SLC39A12: variants seen among roughly 807,000 people sequenced by gnomAD.
SLC39A12 encodes the protein solute carrier family 39 member 12.
In SLC39A12, 63 loss-of-function variants were observed where a neutral mutation model predicts 71.1. The observed-to-expected ratio is 0.89, with a 90% CI of 0.72 to 1.09. The LOEUF is 1.09. Ranked by LOEUF, SLC39A12 falls within the 50% of genes least tolerant of loss-of-function variation. SLC39A12 has a pLI of 0.00. For synonymous variants in SLC39A12, 351 were observed against 301.3 expected (o/e 1.16, Z -1.71); for missense variants, 892 against 812.6 (o/e 1.10, Z -1.19).
chr10:18,025,496 T>C (rs1195469900), intron 12 of SLC39A12, among the ~76,000 whole-genome samples: 1 of 152,192 alleles, frequency 6.6e-6, no homozygotes, highest in Non-Finnish European at 1.5e-5. Flanking sequence ...TGGTTTTTTG[T>C]CCTTGCGATA....
At chr10:18,024,357 A>T (rs532913433) in intron 12 of SLC39A12, among the ~76,000 whole-genome samples, 3 of 151,994 alleles carry the variant, frequency 2.0e-5, no homozygotes, top group African/African-American at 7.2e-5. Flanking sequence ...AGTCTGGAGG[A>T]ACTGAGGGGA....
intron 12 of SLC39A12, among the ~76,000 whole-genome samples, chr10:18,031,043 G>A (rs369277704): frequency 1.3e-5 from 2 of 150,426 alleles, no homozygotes; most frequent in Non-Finnish European, 3.0e-5. Context: ...AATCCAGTCT[G>A]TCATTGTTGG....
At chr10:17,986,756 C>T (rs529840547) in intron 6 of SLC39A12, among the ~76,000 whole-genome samples, 1 of 152,294 alleles carries the variant, frequency 6.6e-6, no homozygotes, top group East Asian at 1.9e-4. Context: ...CCTGTAATCC[C>T]ATCACTTTGG....
At chr10:17,978,753 T>A (rs1835180220) in intron 5 of SLC39A12, among the ~76,000 whole-genome samples, 1 of 152,242 alleles carries the variant, frequency 6.6e-6, no homozygotes, top group African/African-American at 2.4e-5. Context: ...CTCCAATAAT[T>A]CTTCTCTGTT....
At chr10:17,979,980 G>A (rs1358751877) in intron 5 of SLC39A12, among the ~76,000 whole-genome samples, 1 of 152,102 alleles carries the variant, frequency 6.6e-6, no homozygotes, top group Non-Finnish European at 1.5e-5. Context: ...GTAGATATAT[G>A]CAGAGGGAAA....
chr10:17,962,441 T>C (rs1834715435), intron 3 of SLC39A12, among the ~76,000 whole-genome samples: 1 of 152,170 alleles, frequency 6.6e-6, no homozygotes, highest in South Asian at 2.1e-4. Flanking sequence ...GTTGCCTTCA[T>C]TACTATTCTA....
chr10:17,962,889 C>A (rs1554848573), intron 3 of SLC39A12, among the ~76,000 whole-genome samples: 1 of 152,174 alleles, frequency 6.6e-6, no homozygotes, highest in Non-Finnish European at 1.5e-5. Flanking sequence ...AGTGCAGTGG[C>A]TCATACCTAT....
intron 6 of SLC39A12, among the ~76,000 whole-genome samples, chr10:17,983,634 T>A (rs569258716): frequency 2.0e-5 from 3 of 152,074 alleles, no homozygotes; most frequent in African/African-American, 4.8e-5. Flanking sequence ...ATACAAAAAT[T>A]AGCTGAGTAT....
rs12266431 is a variant in SLC39A12 at position 17,971,129 on chromosome 10, C to G, written c.751+5439C>G. Among the ~76,000 whole-genome samples, 910 of 152,106 alleles carry G rather than the reference C, an allele frequency of 6.0e-3. 14 individuals are homozygous for G. The highest frequency in any genetic ancestry group is 0.021 in the African/African-American group (872 of 41,492). ...GACTGATTTGCATATGTTGAACCAA[C>G]CTTGCATCCTAGCTAGGGCATAAAT... On this transcript the variant is annotated intron_variant, in intron 4 of 12. Coordinates refer to ENST00000377369, the MANE Select transcript of SLC39A12 (RefSeq NM_001145195.2).
At chr10:17,989,257 C>T (rs1434514428) in intron 7 of SLC39A12, among the ~76,000 whole-genome samples, 2 of 152,222 alleles carry the variant, frequency 1.3e-5, no homozygotes, top group East Asian at 1.9e-4. Context: ...CAGGGTCACT[C>T]TTGTTGCTTC....
At chr10:17,969,664 T>G (rs1252567908) in intron 4 of SLC39A12, among the ~76,000 whole-genome samples, 2 of 152,212 alleles carry the variant, frequency 1.3e-5, no homozygotes, top group Non-Finnish European at 2.9e-5. Context: ...TAGAGTTGTT[T>G]GAGCTCCTTG....
intron 12 of SLC39A12, among the ~76,000 whole-genome samples, chr10:18,037,628 C>G (rs779811951): frequency 6.6e-6 from 1 of 151,900 alleles, no homozygotes; most frequent in Non-Finnish European, 1.5e-5. Context: ...TAAGAAAGGA[C>G]GTGATAAATA....
chr10:18,009,183 T>C (rs1836127564), intron 12 of SLC39A12, among the ~76,000 whole-genome samples: 1 of 152,120 alleles, frequency 6.6e-6, no homozygotes, highest in East Asian at 1.9e-4. Flanking sequence ...GGTGTTTCCA[T>C]AGCAACAGGA....
rs1435297229 is a variant in SLC39A12 at position 17,991,277 on chromosome 10, ATTC to A, written c.1402_1404del (p.Leu468del). On this transcript the variant is annotated inframe_deletion, in exon 8 of 13. Coordinates refer to ENST00000377369, the MANE Select transcript of SLC39A12 (RefSeq NM_001145195.2). ...ATTTTTCTTGATAGAAAAATGTTTTATTCTTCTTGTATCACCAAATGACAAGGT... is the reference window on the plus strand; with the variant it reads ...ATTTTTCTTGATAGAAAAATGTTTTATTCTTGTATCACCAAATGACAAGGT... The A allele has an allele frequency of 1.9e-6, 3 of 1,594,912 alleles. No individual in the cohort carries two copies. In the South Asian group the frequency reaches 3.5e-5, roughly 19 times the overall value.
chr10:17,968,129 GATT>G (rs1255473365), intron 4 of SLC39A12, among the ~76,000 whole-genome samples: 1 of 131,084 alleles, frequency 7.6e-6, no homozygotes, highest in Non-Finnish European at 1.7e-5. Context: ...CCTGCTTCAT[GATT>G]ATTTTTGTAT....
chr10:18,037,304 T>G (rs1233270760), intron 12 of SLC39A12, among the ~76,000 whole-genome samples: 1 of 152,250 alleles, frequency 6.6e-6, no homozygotes, highest in African/African-American at 2.4e-5. Context: ...ATTTTTATGC[T>G]TAATAGGACA....
At position 17,981,293 on chromosome 10, in the gene SLC39A12, TTA is replaced by T. The variant is rs1377334472; in HGVS notation, c.925-17_925-16del. Reference sequence around the variant, plus strand: ...AAATATGCTGAGATTAGTAACAATGTTATGTTTTCCTCACACAGACCTGCTTC... The same window carrying T: ...AAATATGCTGAGATTAGTAACAATGTTGTTTTCCTCACACAGACCTGCTTC... On this transcript the variant is annotated splice_polypyrimidine_tract_variant and intron_variant, in intron 5 of 12. Transcript: ENST00000377369. 1 of 1,582,912 alleles carries T rather than the reference TTA, an allele frequency of 6.3e-7. No individual in the cohort carries two copies.
chr10:18,016,885 T>A (rs1836400219), intron 12 of SLC39A12, among the ~76,000 whole-genome samples: 1 of 152,198 alleles, frequency 6.6e-6, no homozygotes, highest in African/African-American at 2.4e-5. Context: ...TAATTGGAAA[T>A]TGTCTGTTTT....
chr10:18,028,945 C>G (rs1483656983), intron 12 of SLC39A12, among the ~76,000 whole-genome samples: 2 of 152,172 alleles, frequency 1.3e-5, no homozygotes, highest in African/African-American at 4.8e-5. Context: ...GTCTTGAACT[C>G]CTGACCTCAG....
Sources: allele counts gnomAD v4.1 joint callset (sites outside exome capture counted in the v4.1 genomes callset), GRCh38; gene constraint gnomAD v4.1.1; transcripts MANE v1.5; gene names NCBI Gene and HGNC (gene_info 2026-07-23, HGNC 2026-07-21).